Variants in WDFY4 observed in about 807,000 individuals in gnomAD.
WDFY4 encodes WD repeat- and FYVE domain-containing protein 4.
In WDFY4, 169 loss-of-function variants were observed where a neutral mutation model predicts 351.9. The ratio of observed to expected loss-of-function variants is 0.48; its 90% CI spans 0.42 to 0.55. WDFY4 has a LOEUF of 0.55. Ranked by LOEUF, WDFY4 falls within the 20% of genes least tolerant of loss-of-function variation. The pLI, the probability that WDFY4 is intolerant of heterozygous loss-of-function variation, is 0.00. For synonymous variants in WDFY4, 1,622 were observed against 1,574.6 expected, an observed-to-expected ratio of 1.03 and a Z score of -0.71; for missense variants, 3,803 against 3,935.6, an observed-to-expected ratio of 0.97 and a Z score of 0.90.
At position 48,867,310 on chromosome 10, in the gene WDFY4, C is replaced by T. The variant is rs1249250128; in HGVS notation, c.6709C>T (p.Leu2237=). Residue 2237 remains leucine, a synonymous_variant, in exon 40 of 62, where the codon CTA becomes TTA. Transcript: ENST00000325239. The part of the protein sequence containing the change: ...IENYRRRGQE[L]YASLYKDHVQ... Reference sequence around the variant, plus strand: ...GAACTACAGAAGAAGAGGACAAGAGCTATATGCATCTTTATACAAAGACCA... The same window carrying T: ...GAACTACAGAAGAAGAGGACAAGAGTTATATGCATCTTTATACAAAGACCA... The T allele has an allele frequency of 3.7e-5, 56 of 1,504,106 alleles. No homozygotes were observed. Among genetic ancestry groups the T allele is most frequent in the Non-Finnish European group, 4.4e-5 (49 of 1,122,188 alleles). 93.2% of individuals were successfully genotyped at this position (1,504,106 alleles called of 1,614,324 possible).
In WDFY4 at chr10:48,821,068, C is replaced by A. The variant is rs760694340; in HGVS notation, c.5716C>A (p.Pro1906Thr). Residue 1906 changes from proline to threonine, a missense_variant, in exon 34 of 62, where the codon CCA becomes ACA. Transcript: ENST00000325239. ...TCCCGGGCTGTGCTTCCAGGCTTCT[C>A]CAGACCACGCCACCAGCCAACAGAA... ...LPLEVLLEAS[P>T]DHATSQQKRD... The A allele has an allele frequency of 5.2e-6, 8 of 1,551,390 alleles. No homozygotes were observed. Among genetic ancestry groups the A allele is most frequent in the Admixed American group, 3.9e-5 (2 of 50,988 alleles).
At chr10:48,794,282 C>T (rs1352515919) in intron 23 of WDFY4, among the ~76,000 whole-genome samples, 3 of 152,066 alleles carry the variant, frequency 2.0e-5, no homozygotes, top group Admixed American at 1.3e-4. Flanking sequence ...CTAATAGGAG[C>T]CTGTGTTCCT....
At chr10:48,981,726 CCAAA>C (rs1391414922) in intron 61 of WDFY4, among the ~76,000 whole-genome samples, 1 of 152,196 alleles carries the variant, frequency 6.6e-6, no homozygotes, top group Non-Finnish European at 1.5e-5. Context: ...TCTTGAATAT[CCAAA>C]CATTCATTAA....
intron 2 of WDFY4, among the ~76,000 whole-genome samples, chr10:48,711,791 G>A (rs2063774310): frequency 6.6e-6 from 1 of 152,132 alleles, no homozygotes; most frequent in Admixed American, 6.5e-5. Flanking sequence ...TGGCCTGCAG[G>A]GGTTCAGAAT....
chr10:48,882,944 G>T (rs1203248065), intron 43 of WDFY4, among the ~76,000 whole-genome samples: 2 of 152,198 alleles, frequency 1.3e-5, no homozygotes, highest in African/African-American at 4.8e-5. Context: ...GCTACTCACT[G>T]GAATTGCTAG....
intron 35 of WDFY4, chr10:48,823,478 C>G: frequency 8.4e-7 from 1 of 1,185,262 alleles, no homozygotes; most frequent in African/African-American, 1.6e-5. Context: ...GAGTCACCCA[C>G]AGACCTCAGG....
chr10:48,897,668 ACT>A, intron 45 of WDFY4, 94 bp downstream of exon 45: 1 of 1,480,824 alleles, frequency 6.8e-7, no homozygotes, highest in Non-Finnish European at 9.0e-7. Context: ...CACCTCTGTG[ACT>A]CTTCTTTGTG....
At chr10:48,966,988 T>C (rs1040743542) in intron 55 of WDFY4, 63 of 353,436 alleles carry the variant, frequency 1.8e-4, no homozygotes, top group African/African-American at 1.1e-3. Context: ...CTCTCTTTTA[T>C]ACATGCACAC....
chr10:48,968,968 A>C, intron 55 of WDFY4, 96 bp from the exon 56 acceptor site: 1 of 1,293,316 alleles, frequency 7.7e-7, no homozygotes, highest in Non-Finnish European at 1.1e-6. Context: ...CTTAAGTTCA[A>C]GTCCAGTGTG....
chr10:48,977,581 G>A (rs73298974), intron 59 of WDFY4, among the ~76,000 whole-genome samples: 40 of 152,372 alleles, frequency 2.6e-4, no homozygotes, highest in African/African-American at 9.4e-4. Context: ...ATCCTGGGAT[G>A]GCCTGGGCTT....
intron 24 of WDFY4, chr10:48,802,750 G>A: frequency 2.1e-6 from 1 of 471,454 alleles, no homozygotes; most frequent in South Asian, 1.5e-5. Flanking sequence ...ATGACACTGT[G>A]GTTTGGGCTG....
chr10:48,709,543 C>A (rs1199372220), intron 1 of WDFY4, among the ~76,000 whole-genome samples, 173 bp from the exon 2 acceptor site: 2 of 152,226 alleles, frequency 1.3e-5, no homozygotes, highest in Non-Finnish European at 2.9e-5. Flanking sequence ...TTAATCACAT[C>A]TAAATCTGAA....
chr10:48,800,703 T>TTTCTTTCG (rs1555016123), intron 24 of WDFY4, among the ~76,000 whole-genome samples: 1 of 139,694 alleles, frequency 7.2e-6, no homozygotes, highest in Non-Finnish European at 1.5e-5. Flanking sequence ...TCTTTCTTTC[T>TTTCTTTCG]TTCTTTCTTT....
At chr10:48,858,718 A>G (rs2069231224) in intron 39 of WDFY4, among the ~76,000 whole-genome samples, 1 of 152,152 alleles carries the variant, frequency 6.6e-6, no homozygotes, top group Admixed American at 6.5e-5. Flanking sequence ...CCAGTTTTGG[A>G]AACTCGTCTG....
At chr10:48,796,189 G>T (rs1398670032) in intron 23 of WDFY4, 109 bp from the exon 24 acceptor site, 12 of 1,266,586 alleles carry the variant, frequency 9.5e-6, no homozygotes, top group Non-Finnish European at 1.3e-5. Flanking sequence ...AATGAAGGAT[G>T]GTAGCAGCAG....
intron 47 of WDFY4, among the ~76,000 whole-genome samples, chr10:48,931,585 C>T (rs1840008793): frequency 6.6e-6 from 1 of 152,186 alleles, no homozygotes; most frequent in Admixed American, 6.5e-5. Context: ...AGGTGAAGAA[C>T]TGTGGGGAAA....
chr10:48,806,567 G>C (rs893625935), intron 27 of WDFY4, among the ~76,000 whole-genome samples: 6 of 152,220 alleles, frequency 3.9e-5, no homozygotes, highest in African/African-American at 1.2e-4. Context: ...ACCAGATTAA[G>C]TCACTTTCTC....
chr10:48,809,517 CCATCACCACCAG>C (rs891651542), intron 28 of WDFY4, among the ~76,000 whole-genome samples: 2 of 151,098 alleles, frequency 1.3e-5, no homozygotes, highest in African/African-American at 4.9e-5. Context: ...AACATCATCA[CCATCACCACCAG>C]CATCACCATC....
chr10:48,800,609 G>T (rs1331576241), intron 24 of WDFY4, among the ~76,000 whole-genome samples: 2 of 152,098 alleles, frequency 1.3e-5, no homozygotes, highest in Admixed American at 1.3e-4. Context: ...GGCAGGGTTG[G>T]ACAGAAAGTT....
Sources: gnomAD v4.1 joint callset for allele counts (sites outside exome capture counted in the v4.1 genomes callset) on GRCh38, gnomAD v4.1.1 for gene constraint, MANE v1.5 for transcripts, NCBI Gene and HGNC (gene_info 2026-07-23, HGNC 2026-07-21) for gene names.